TAOK3: variants seen among roughly 807,000 people sequenced by gnomAD.
The protein encoded by TAOK3 is TAO kinase 3.
A neutral mutation model predicts 120.4 loss-of-function variants in TAOK3; 40 were observed. The observed-to-expected ratio is 0.33, with a 90% CI of 0.26 to 0.43. The LOEUF is 0.43. Ranked by LOEUF, TAOK3 falls within the 20% of genes least tolerant of loss-of-function variation. The probability of loss-of-function intolerance (pLI) is 1.00; values close to 1 mark genes in which losing one functional copy is unlikely to be tolerated. For missense variants in TAOK3, 821 were observed against 1,112.1 expected (o/e 0.74, Z 3.72); for synonymous variants, 355 against 387.5 (o/e 0.92, Z 0.99).
At chr12:118,156,638 C>T (rs147297089) in intron 19 of TAOK3, among the ~76,000 whole-genome samples, 2 of 152,276 alleles carry the variant, frequency 1.3e-5, no homozygotes, top group East Asian at 1.9e-4. Flanking sequence ...TCAGGCTCCC[C>T]GCAGCCAATA....
At chr12:118,294,716 CTT>C (rs1199033789) in intron 1 of TAOK3, among the ~76,000 whole-genome samples, 1 of 152,094 alleles carries the variant, frequency 6.6e-6, no homozygotes. Flanking sequence ...ACTATATAAA[CTT>C]TTTTGTATCT....
intron 1 of TAOK3, among the ~76,000 whole-genome samples, chr12:118,345,116 A>C (rs890921082): frequency 6.6e-6 from 1 of 152,242 alleles, no homozygotes; most frequent in Non-Finnish European, 1.5e-5. Flanking sequence ...AGCAGCTTCC[A>C]CTAAAATTGT....
At chr12:118,328,317 G>A (rs1024811918) in intron 1 of TAOK3, among the ~76,000 whole-genome samples, 11 of 152,140 alleles carry the variant, frequency 7.2e-5, no homozygotes, top group African/African-American at 1.2e-4. Flanking sequence ...GCCTCCCAAA[G>A]TGTTGGGATT....
chr12:118,343,533 C>T (rs1020764352), intron 1 of TAOK3, among the ~76,000 whole-genome samples: 15 of 151,650 alleles, frequency 9.9e-5, no homozygotes, highest in African/African-American at 2.9e-4. Flanking sequence ...ATTTAAGATA[C>T]TAGTTGAGCA....
At chr12:118,316,810 A>G (rs1317921478) in intron 1 of TAOK3, among the ~76,000 whole-genome samples, 2 of 152,214 alleles carry the variant, frequency 1.3e-5, no homozygotes, top group African/African-American at 4.8e-5. Context: ...AGGGTATAAA[A>G]ATAACAAAAT....
intron 11 of TAOK3, among the ~76,000 whole-genome samples, chr12:118,205,363 T>C (rs1472108377): frequency 6.7e-6 from 1 of 149,460 alleles, no homozygotes; most frequent in Non-Finnish European, 1.5e-5. Flanking sequence ...AAAGACTCTG[T>C]CTCAAAAAAA....
intron 1 of TAOK3, chr12:118,283,768 C>T: frequency 4.9e-6 from 1 of 204,322 alleles, no homozygotes. Context: ...ACAAACAAAC[C>T]AGACAGAATT....
At chr12:118,203,770 T>C (rs941210568) in intron 11 of TAOK3, among the ~76,000 whole-genome samples, 1 of 151,424 alleles carries the variant, frequency 6.6e-6, no homozygotes, top group Non-Finnish European at 1.5e-5. Context: ...TTACCACCTG[T>C]TGTAAAAAGA....
At chr12:118,296,234 C>T (rs918481208) in intron 1 of TAOK3, among the ~76,000 whole-genome samples, 1 of 152,138 alleles carries the variant, frequency 6.6e-6, no homozygotes, top group Non-Finnish European at 1.5e-5. Context: ...AAGATTCAAG[C>T]GATTCTCCTG....
At position 118,201,275 on chromosome 12, in the gene TAOK3, G is replaced by A. The variant is rs371469509; in HGVS notation, c.987+21C>T. 7.2e-4 allele frequency: 1,149 copies of A among 1,604,524 alleles called. 2 individuals carry two copies. The highest frequency in any genetic ancestry group is 8.5e-4 in the Non-Finnish European group (1,001 of 1,175,504). On this transcript the variant is annotated intron_variant, in intron 12 of 20. Coordinates refer to ENST00000392533, the MANE Select transcript of TAOK3 (RefSeq NM_016281.4). Reference sequence around the variant, plus strand: ...CATAGTGGGCATTCTATAAGTGCCTGCTAAAATAAATTGAACCTACTTCCT... The same window carrying A: ...CATAGTGGGCATTCTATAAGTGCCTACTAAAATAAATTGAACCTACTTCCT...
intron 9 of TAOK3, among the ~76,000 whole-genome samples, chr12:118,221,128 G>T (rs2039209199): frequency 6.6e-6 from 1 of 152,246 alleles, no homozygotes; most frequent in Non-Finnish European, 1.5e-5. Flanking sequence ...AGTTATGATA[G>T]ACATTAGATA....
At chr12:118,317,790 G>C (rs958187440) in intron 1 of TAOK3, among the ~76,000 whole-genome samples, 1 of 151,956 alleles carries the variant, frequency 6.6e-6, no homozygotes, top group East Asian at 1.9e-4. Context: ...AAAGGACCCA[G>C]AATAGCAAAA....
chr12:118,305,111 T>C (rs117390515), intron 1 of TAOK3, among the ~76,000 whole-genome samples: 184 of 152,314 alleles, frequency 1.2e-3, no homozygotes, highest in Non-Finnish European at 2.0e-3. Flanking sequence ...GAGCACAGGA[T>C]TGTTTATTGT....
chr12:118,363,727 A>AGTGTGTGTGTGTGTGT (rs552898130), intron 1 of TAOK3, among the ~76,000 whole-genome samples: 6 of 147,398 alleles, frequency 4.1e-5, no homozygotes, highest in African/African-American at 1.3e-4. Context: ...TGGTCAAGGC[A>AGTGTGTGTGTGTGTGT]GTGTGTGTGT....
chr12:118,240,576 C>T (rs1396141704), intron 5 of TAOK3, among the ~76,000 whole-genome samples: 2 of 151,736 alleles, frequency 1.3e-5, no homozygotes, highest in East Asian at 1.9e-4. Context: ...GATCTCCTGA[C>T]CTCGTGATCC....
intron 5 of TAOK3, among the ~76,000 whole-genome samples, chr12:118,241,020 A>G (rs2040227733): frequency 6.7e-6 from 1 of 149,352 alleles, no homozygotes; most frequent in Admixed American, 6.7e-5. Context: ...ATATAAGTAT[A>G]CTGTGTCTAT....
At chr12:118,195,343 C>A (rs1351964731) in intron 13 of TAOK3, among the ~76,000 whole-genome samples, 2 of 152,146 alleles carry the variant, frequency 1.3e-5, no homozygotes, top group Non-Finnish European at 2.9e-5. Context: ...AAAAGACAGA[C>A]TTTGCTGCTT....
chr12:118,328,367 T>C lies in TAOK3; in HGVS notation c.-194+44281A>G, dbSNP rs56109564. 4.8e-3 allele frequency among the ~76,000 whole-genome samples: 732 copies of C among 152,302 alleles called. 6 individuals carry two copies. Among genetic ancestry groups the C allele is most frequent in the African/African-American group, 0.016 (661 of 41,568 alleles). ...CTGCGCCTGGCCTAACAAATACTTATTGAGTTCTTAAAATGACCAGAGTTT... is the reference window on the plus strand; with the variant it reads ...CTGCGCCTGGCCTAACAAATACTTACTGAGTTCTTAAAATGACCAGAGTTT... On this transcript the variant is annotated intron_variant, in intron 1 of 20. Coordinates refer to ENST00000392533, the MANE Select transcript of TAOK3 (RefSeq NM_016281.4).
chr12:118,219,084 G>A (rs1282110366), intron 9 of TAOK3, among the ~76,000 whole-genome samples: 1 of 152,148 alleles, frequency 6.6e-6, no homozygotes, highest in Non-Finnish European at 1.5e-5. Flanking sequence ...ATTATCATGG[G>A]ACTGGCTACT....
Sources: gnomAD v4.1 joint callset for allele counts (sites outside exome capture counted in the v4.1 genomes callset) on GRCh38, gnomAD v4.1.1 for gene constraint, MANE v1.5 for transcripts, NCBI Gene and HGNC (gene_info 2026-07-23, HGNC 2026-07-21) for gene names.